The following SGCZ variants were observed in gnomAD, a reference collection of about 807,000 sequenced individuals.
SGCZ encodes sarcoglycan zeta.
SGCZ carries 40 observed loss-of-function variants against 41.3 expected under a neutral mutation model. The ratio of observed to expected loss-of-function variants is 0.97; its 90% confidence interval spans 0.75 to 1.26. The LOEUF is 1.26. Among genes scored for constraint, SGCZ ranks in the 50% most tolerant of loss-of-function variants. The pLI is 0.00. For missense variants in SGCZ, 552 were observed against 369.8 expected (o/e 1.49, Z -4.04); for synonymous variants, 206 against 137.5 (o/e 1.50, Z -3.49).
At chr8:15,024,563 T>C (rs558984963) in intron 1 of SGCZ, among the ~76,000 whole-genome samples, 1 of 152,220 alleles carries the variant, frequency 6.6e-6, no homozygotes, top group East Asian at 1.9e-4. Context: ...TAGAAGGTGA[T>C]CAATGCTGCA....
At position 14,674,928 on chromosome 8, in the gene SGCZ, G is replaced by GCTTTTTTTTT. The variant is rs1554478141; in HGVS notation, c.40-120003_40-120002insAAAAAAAAAG. ...GCCAATTTAACCTCTTTTCTTTTCTGTTTTTTTTTTTTTTTTTTTTTTTTT... is the reference window on the plus strand; with the variant it reads ...GCCAATTTAACCTCTTTTCTTTTCTGCTTTTTTTTTTTTTTTTTTTTTTTTTTTTTTTTTT... On this transcript the variant is annotated intron_variant, in intron 1 of 7. Transcript: ENST00000382080. Among the ~76,000 whole-genome samples the GCTTTTTTTTT allele has an allele frequency of 5.9e-3, 417 of 71,006 alleles. 84 individuals carry two copies. The highest frequency in any genetic ancestry group is 0.041 in the East Asian group (84 of 2,056). 46.6% of individuals were successfully genotyped at this position (71,006 alleles called of 152,430 possible). A position where few individuals can be genotyped will look rare whatever the true frequency, so the allele number is the denominator to read the frequency against.
At chr8:14,918,626 T>G (rs2130787612) in intron 1 of SGCZ, among the ~76,000 whole-genome samples, 1 of 152,318 alleles carries the variant, frequency 6.6e-6, no homozygotes, top group South Asian at 2.1e-4. Context: ...CAACTTAGTA[T>G]TTTACATTCT....
At chr8:14,432,259 G>A (rs1799964059) in intron 2 of SGCZ, among the ~76,000 whole-genome samples, 1 of 152,258 alleles carries the variant, frequency 6.6e-6, no homozygotes, top group Non-Finnish European at 1.5e-5. Flanking sequence ...ATTCGCAATT[G>A]CAAAAATGTG....
chr8:14,246,636 G>A (rs2117194565), intron 3 of SGCZ, among the ~76,000 whole-genome samples: 1 of 151,660 alleles, frequency 6.6e-6, no homozygotes, highest in East Asian at 1.9e-4. Flanking sequence ...AGCTGGGCAT[G>A]GCGGCTGAAG....
At chr8:14,605,707 C>G (rs551838878) in intron 1 of SGCZ, among the ~76,000 whole-genome samples, 5 of 152,142 alleles carry the variant, frequency 3.3e-5, no homozygotes, top group Non-Finnish European at 5.9e-5. Flanking sequence ...AGAGTGTTGA[C>G]TTCACTTCTT....
At chr8:14,838,047 G>A (rs1418998589) in intron 1 of SGCZ, among the ~76,000 whole-genome samples, 1 of 152,122 alleles carries the variant, frequency 6.6e-6, no homozygotes, top group Non-Finnish European at 1.5e-5. Context: ...CCACGACGTG[G>A]ACAGAAATGG....
At chr8:15,150,015 G>A (rs1799135038) in intron 1 of SGCZ, among the ~76,000 whole-genome samples, 2 of 152,134 alleles carry the variant, frequency 1.3e-5, no homozygotes, top group African/African-American at 4.8e-5. Flanking sequence ...CAGTGTGTCT[G>A]CAAAGGAAAA....
At chr8:14,249,588 C>G (rs760400389) in intron 3 of SGCZ, among the ~76,000 whole-genome samples, 1 of 152,094 alleles carries the variant, frequency 6.6e-6, no homozygotes, top group African/African-American at 2.4e-5. Flanking sequence ...TACTTTGAAG[C>G]ATTTTGTTAA....
intron 1 of SGCZ, among the ~76,000 whole-genome samples, chr8:15,202,866 G>A (rs575700552): frequency 4.1e-4 from 62 of 152,044 alleles, no homozygotes; most frequent in Non-Finnish European, 5.6e-4. Flanking sequence ...ATCCCAGAAC[G>A]TCGGGAATCC....
At chr8:15,139,432 T>C (rs1808237478) in intron 1 of SGCZ, among the ~76,000 whole-genome samples, 1 of 152,228 alleles carries the variant, frequency 6.6e-6, no homozygotes, top group South Asian at 2.1e-4. Context: ...TTACTATTCA[T>C]ACTTTTCAGA....
At chr8:14,551,092 AT>A (rs1371568493) in intron 2 of SGCZ, among the ~76,000 whole-genome samples, 1 of 150,338 alleles carries the variant, frequency 6.7e-6, no homozygotes, top group South Asian at 2.1e-4. Context: ...CATTTGCTTA[AT>A]AAATATTATT....
chr8:14,532,220 G>T (rs1239173540), intron 2 of SGCZ, among the ~76,000 whole-genome samples: 1 of 150,154 alleles, frequency 6.7e-6, no homozygotes, highest in East Asian at 2.0e-4. Context: ...TGATAGAGAA[G>T]AAATTAATTT....
chr8:14,522,647 T>C (rs1802824686), intron 2 of SGCZ, among the ~76,000 whole-genome samples: 1 of 151,766 alleles, frequency 6.6e-6, no homozygotes, highest in Non-Finnish European at 1.5e-5. Context: ...ATTTTCAATT[T>C]TGTCATTTTT....
At chr8:14,410,359 C>T (rs1032935030) in intron 2 of SGCZ, among the ~76,000 whole-genome samples, 1 of 150,114 alleles carries the variant, frequency 6.7e-6, no homozygotes, top group African/African-American at 2.5e-5. Context: ...AGTTTGAAAA[C>T]TCCAAAAGGT....
chr8:14,610,332 A>T (rs557629125), intron 1 of SGCZ, among the ~76,000 whole-genome samples: 1 of 152,324 alleles, frequency 6.6e-6, no homozygotes, highest in African/African-American at 2.4e-5. Context: ...CCTCTACAAG[A>T]CAAATGAATC....
At chr8:15,094,924 T>G (rs1356321120) in intron 1 of SGCZ, among the ~76,000 whole-genome samples, 1 of 152,124 alleles carries the variant, frequency 6.6e-6, no homozygotes, top group Non-Finnish European at 1.5e-5. Context: ...TTTAACCTCT[T>G]TTCTTTATAA....
intron 1 of SGCZ, among the ~76,000 whole-genome samples, chr8:15,218,112 C>A (rs1329606944): frequency 6.6e-6 from 1 of 152,118 alleles, no homozygotes; most frequent in African/African-American, 2.4e-5. Context: ...TTGTGATTTT[C>A]TATTCTATTA....
intron 4 of SGCZ, among the ~76,000 whole-genome samples, chr8:14,231,196 T>TGTGTGTGTGTGTGTGTGTGTGTG (rs1554483289): frequency 9.9e-6 from 1 of 101,350 alleles, no homozygotes; most frequent in South Asian, 3.2e-4. Flanking sequence ...TGTGTGTGTG[T>TGTGTGTGTGTGTGTGTGTGTGTG]AGTGGGGAGA....
chr8:14,528,827 C>CAAAAAACAAAAAA (rs1803032348), intron 2 of SGCZ, among the ~76,000 whole-genome samples: 3 of 52,610 alleles, frequency 5.7e-5, no homozygotes, highest in African/African-American at 3.2e-4. Flanking sequence ...ACGGACCAGC[C>CAAAAAACAAAAAA]AAAAAAAAAA....
Sources: allele counts gnomAD v4.1 joint callset (sites outside exome capture counted in the v4.1 genomes callset), GRCh38; gene constraint gnomAD v4.1.1; transcripts MANE v1.5; gene names NCBI Gene and HGNC (gene_info 2026-07-23, HGNC 2026-07-21).